The following FCHSD2 variants were observed in gnomAD, a reference collection of about 807,000 sequenced individuals.
FCHSD2 encodes the protein F-BAR and double SH3 domains protein 2.
FCHSD2 carries 38 observed loss-of-function variants against 108.1 expected under a neutral mutation model. The observed-to-expected ratio is 0.35, with a 90% confidence interval of 0.27 to 0.46. FCHSD2 has a LOEUF of 0.46. FCHSD2 is among the 20% of genes least tolerant of loss of function. The pLI, the probability that FCHSD2 is intolerant of heterozygous loss-of-function variation, is 1.00. For synonymous variants in FCHSD2, 279 were observed against 314.7 expected (o/e 0.89, Z 1.20); for missense variants, 751 against 897.8 (o/e 0.84, Z 2.09).
At chr11:72,884,026 G>A (rs1210389477) in intron 12 of FCHSD2, among the ~76,000 whole-genome samples, 2 of 151,822 alleles carry the variant, frequency 1.3e-5, no homozygotes, top group African/African-American at 2.4e-5. Flanking sequence ...ACTAGCACTT[G>A]GTAATTGCAA....
At chr11:73,042,549 C>A (rs117705747) in intron 3 of FCHSD2, among the ~76,000 whole-genome samples, 2 of 152,088 alleles carry the variant, frequency 1.3e-5, no homozygotes, top group Non-Finnish European at 2.9e-5. Context: ...AGGTCTTCTG[C>A]GGTTCCATAC....
chr11:72,855,944 TAAAG>T (rs1591345470), intron 13 of FCHSD2, among the ~76,000 whole-genome samples: 1 of 152,160 alleles, frequency 6.6e-6, no homozygotes, highest in Non-Finnish European at 1.5e-5. Context: ...AAAAACCTAA[TAAAG>T]AAGAGACAAA....
At chr11:73,052,347 G>A (rs925150047) in intron 3 of FCHSD2, among the ~76,000 whole-genome samples, 8 of 152,060 alleles carry the variant, frequency 5.3e-5, no homozygotes, top group Non-Finnish European at 1.0e-4. Flanking sequence ...AGATTAAGCC[G>A]TTTACTCCAG....
chr11:72,986,592 C>T (rs897424408), intron 6 of FCHSD2, among the ~76,000 whole-genome samples: 1 of 152,154 alleles, frequency 6.6e-6, no homozygotes, highest in East Asian at 1.9e-4. Flanking sequence ...TCTAAGAAAG[C>T]CTTTTCAGAA....
At chr11:72,998,932 T>C (rs974909835) in intron 5 of FCHSD2, among the ~76,000 whole-genome samples, 1 of 152,160 alleles carries the variant, frequency 6.6e-6, no homozygotes, top group Non-Finnish European at 1.5e-5. Flanking sequence ...AAATGAAAAA[T>C]CTGGGATTGC....
intron 2 of FCHSD2, among the ~76,000 whole-genome samples, chr11:73,130,858 G>A (rs1860979952): frequency 6.6e-6 from 1 of 151,918 alleles, no homozygotes; most frequent in Non-Finnish European, 1.5e-5. Context: ...TATAAAATCA[G>A]GTAATCTTTT....
intron 2 of FCHSD2, among the ~76,000 whole-genome samples, chr11:73,123,906 T>G (rs750462316): frequency 7.9e-5 from 12 of 152,226 alleles, no homozygotes; most frequent in Non-Finnish European, 1.6e-4. Context: ...TGAAAAGAGA[T>G]AATCTTATCA....
chr11:72,933,007 G>T (rs1280207063), intron 8 of FCHSD2, among the ~76,000 whole-genome samples: 1 of 152,148 alleles, frequency 6.6e-6, no homozygotes, highest in African/African-American at 2.4e-5. Flanking sequence ...CTCTAATTCA[G>T]TAATTTTCAA....
intron 10 of FCHSD2, chr11:72,900,152 T>G: frequency 1.5e-6 from 1 of 664,754 alleles, no homozygotes; most frequent in Non-Finnish European, 2.5e-6. Context: ...GGGCCTCTTA[T>G]ACATGTATAT....
intron 2 of FCHSD2, among the ~76,000 whole-genome samples, chr11:73,110,787 G>C (rs982118641): frequency 1.3e-5 from 2 of 151,498 alleles, no homozygotes; most frequent in Admixed American, 1.3e-4. Flanking sequence ...TTTTTTTCTT[G>C]TTTGATGTAG....
intron 3 of FCHSD2, among the ~76,000 whole-genome samples, chr11:73,074,986 A>C (rs1859517273): frequency 6.6e-6 from 1 of 152,200 alleles, no homozygotes. Flanking sequence ...GAGAAAAGCC[A>C]ACAAGAGACT....
Position 72,887,472 on chromosome 11 carries a change from C to G in FCHSD2, c.1144G>C (p.Glu382Gln), listed in dbSNP as rs745563864. The change falls in exon 12 of 20, where the codon GAG becomes CAG. Residue 382 changes from glutamate to glutamine, a missense_variant and splice_region_variant. Glu to Gln is a conservative substitution (Grantham distance 29). Coordinates refer to ENST00000409418, the MANE Select transcript of FCHSD2 (RefSeq NM_014824.3). ...GCCACAATTAGCTGCCACCTTACCT[C>G]TGCTTTACGAATATTTTCTCTAGCT... is the stretch of plus-strand genomic sequence containing the variant. ...DEARENIRKA[E>Q]IIKLKAEARL... 2.6e-5 allele frequency: 42 copies of G among 1,602,198 alleles called. No individual in the cohort carries two copies. In the South Asian group the frequency reaches 4.7e-4, roughly 18 times the overall value.
chr11:72,993,883 T>C lies in FCHSD2; in HGVS notation c.388-4786A>G, dbSNP rs377439592. ...GTAACTAACCTGCACGTTGTGCACA[T>C]GTACCCTAAAACTTAAAGTATAATA... On this transcript the variant is annotated intron_variant, in intron 5 of 19. Transcript: ENST00000409418. Among the ~76,000 whole-genome samples, 21 of 152,274 alleles carry C rather than the reference T, an allele frequency of 1.4e-4. No individual in the cohort carries two copies. The South Asian group carries it at 3.1e-3, about 23-fold the overall frequency.
intron 8 of FCHSD2, among the ~76,000 whole-genome samples, chr11:72,972,631 T>C (rs1036284852): frequency 1.3e-5 from 2 of 152,254 alleles, no homozygotes; most frequent in African/African-American, 4.8e-5. Flanking sequence ...TTTAGAAGTT[T>C]GGTAAAGACT....
intron 3 of FCHSD2, among the ~76,000 whole-genome samples, chr11:73,078,704 T>C (rs1006854141): frequency 8.6e-5 from 13 of 151,596 alleles, no homozygotes; most frequent in Admixed American, 2.0e-4. Flanking sequence ...GCCCTGATAA[T>C]GTTCTTGGGG....
At chr11:72,868,545 G>A (rs922726844) in intron 12 of FCHSD2, among the ~76,000 whole-genome samples, 1 of 152,064 alleles carries the variant, frequency 6.6e-6, no homozygotes, top group Admixed American at 6.5e-5. Context: ...AAAAAAATTA[G>A]CTAGGCATGG....
intron 3 of FCHSD2, among the ~76,000 whole-genome samples, chr11:73,082,463 T>C (rs1280531953): frequency 6.6e-6 from 1 of 150,710 alleles, no homozygotes; most frequent in Non-Finnish European, 1.5e-5. Flanking sequence ...ATTGAACCAA[T>C]GAATTAATTA....
intron 19 of FCHSD2, 72 bp downstream of exon 19, chr11:72,840,805 G>C: frequency 1.7e-6 from 2 of 1,148,534 alleles, no homozygotes; most frequent in Non-Finnish European, 2.6e-6. Flanking sequence ...GGGGCCACGG[G>C]GAAACATTAA....
intron 12 of FCHSD2, among the ~76,000 whole-genome samples, chr11:72,880,673 T>C (rs1022695311): frequency 6.6e-6 from 1 of 151,926 alleles, no homozygotes; most frequent in Non-Finnish European, 1.5e-5. Context: ...CTTAGCACTT[T>C]GGGAGGCTGA....
Sources: gnomAD v4.1 joint callset for allele counts (sites outside exome capture counted in the v4.1 genomes callset) on GRCh38, gnomAD v4.1.1 for gene constraint, MANE v1.5 for transcripts, NCBI Gene and HGNC (gene_info 2026-07-23, HGNC 2026-07-21) for gene names.